Variants in KCNQ3 observed in about 807,000 individuals in gnomAD.
KCNQ3 encodes the protein potassium voltage-gated channel subfamily KQT member 3.
A neutral mutation model predicts 92.5 loss-of-function variants in KCNQ3; 30 were observed. That is an observed-to-expected ratio of 0.32 (90% CI 0.24 to 0.44). The LOEUF is 0.44. KCNQ3 is among the 20% of genes least tolerant of loss of function. The pLI, the probability that KCNQ3 is intolerant of heterozygous loss-of-function variation, is 1.00. For synonymous variants in KCNQ3, 450 were observed against 468.8 expected, an observed-to-expected ratio of 0.96 and a Z score of 0.52; for missense variants, 913 against 1,140.3, an observed-to-expected ratio of 0.80 and a Z score of 2.87.
chr8:132,175,742 A>G lies in KCNQ3; in HGVS notation c.778-134T>C, dbSNP rs1055983467. The G allele has an allele frequency of 5.1e-6, 4 of 782,730 alleles. No homozygotes were observed. The East Asian group carries it at 1.1e-4, about 21-fold the overall frequency. The allele number at this position is 782,730 out of a possible 1,614,324, so 48.5% of individuals were successfully genotyped here. A position where few individuals can be genotyped will look rare whatever the true frequency, so the allele number is the denominator to read the frequency against. On this transcript the variant is annotated intron_variant, in intron 4 of 14. Coordinates refer to ENST00000388996, the MANE Select transcript of KCNQ3 (RefSeq NM_004519.4). ...GTGGTCAAATCACTCACCTTCTCTG[A>G]TCTTCATCTTCCATCACTGTAAAAT...
At chr8:132,344,531 G>C (rs1398146985) in intron 1 of KCNQ3, among the ~76,000 whole-genome samples, 1 of 152,178 alleles carries the variant, frequency 6.6e-6, no homozygotes, top group Admixed American at 6.5e-5. Flanking sequence ...ATGAAGTTGT[G>C]TAATTATGAT....
At chr8:132,467,901 G>A (rs973733327) in intron 1 of KCNQ3, among the ~76,000 whole-genome samples, 10 of 152,174 alleles carry the variant, frequency 6.6e-5, no homozygotes, top group African/African-American at 2.4e-4. Flanking sequence ...TGGCTGAATG[G>A]ATGCCCGCCT....
chr8:132,448,209 G>A (rs1430938879), intron 1 of KCNQ3, among the ~76,000 whole-genome samples: 1 of 152,134 alleles, frequency 6.6e-6, no homozygotes, highest in Non-Finnish European at 1.5e-5. Context: ...TGGGGAATAA[G>A]GGTTCTGCAG....
intron 1 of KCNQ3, among the ~76,000 whole-genome samples, chr8:132,369,610 C>A (rs1330977619): frequency 1.3e-5 from 2 of 151,572 alleles, no homozygotes; most frequent in Non-Finnish European, 2.9e-5. Flanking sequence ...CACAATCACA[C>A]AATGGGGGGT....
At chr8:132,182,467 C>T (rs1225885212) in intron 3 of KCNQ3, among the ~76,000 whole-genome samples, 4 of 152,316 alleles carry the variant, frequency 2.6e-5, no homozygotes, top group South Asian at 4.1e-4. Flanking sequence ...AAGTAAGGAC[C>T]GTGTGATGCT....
chr8:132,181,317 T>C (rs1826765475), intron 3 of KCNQ3, among the ~76,000 whole-genome samples: 1 of 152,102 alleles, frequency 6.6e-6, no homozygotes, highest in Non-Finnish European at 1.5e-5. Flanking sequence ...AAAAAGACCA[T>C]ATGGCCAAGT....
At chr8:132,227,344 G>T (rs913140140) in intron 1 of KCNQ3, among the ~76,000 whole-genome samples, 18 of 152,080 alleles carry the variant, frequency 1.2e-4, no homozygotes, top group Admixed American at 2.6e-4. Context: ...ACAGGCGTGA[G>T]CCACCACACC....
chr8:132,344,727 G>A (rs982339453), intron 1 of KCNQ3, among the ~76,000 whole-genome samples: 29 of 152,282 alleles, frequency 1.9e-4, no homozygotes, highest in Admixed American at 1.8e-3. Context: ...GGTATAGAAA[G>A]CTGGTGGGGA....
rs756638749 is a variant in KCNQ3 at position 132,175,516 on chromosome 8, A to C, written c.870T>G (p.Asp290Glu). Residue 290 changes from aspartate to glutamate, a missense_variant, in exon 5 of 15, where the codon GAT (aspartate) becomes GAG (glutamate). Around this residue, in one of 6 missense-constraint regions of KCNQ3, gnomAD observed 21 missense variants for 16.3 expected, o/e 1.29. Coordinates refer to ENST00000388996, the MANE Select transcript of KCNQ3 (RefSeq NM_004519.4). ...YLVEKDVPEV[D>E]AQGEEMKEEF... ...CCTCTTTCATCTCCTCTCCTTGTGC[A>C]TCCACCTCTGGGACGTCTTTCTCAA... 6.2e-7 allele frequency: 1 copy of C among 1,614,206 alleles called. No homozygotes were observed. Among genetic ancestry groups the C allele is most frequent in the East Asian group, 2.2e-5 (1 of 44,860 alleles).
intron 4 of KCNQ3, among the ~76,000 whole-genome samples, chr8:132,179,303 T>G (rs1353334265): frequency 6.6e-6 from 1 of 151,948 alleles, no homozygotes; most frequent in African/African-American, 2.4e-5. Context: ...GGAAAAGGAA[T>G]GGACTGAGTT....
intron 1 of KCNQ3, among the ~76,000 whole-genome samples, chr8:132,350,088 A>C (rs2130702768): frequency 6.6e-6 from 1 of 152,334 alleles, no homozygotes; most frequent in Non-Finnish European, 1.5e-5. Flanking sequence ...ATGATACTGA[A>C]GTGTAAGGTG....
intron 1 of KCNQ3, among the ~76,000 whole-genome samples, chr8:132,266,136 T>C: frequency 6.6e-6 from 1 of 151,700 alleles, no homozygotes. Flanking sequence ...TGCCTTTCAG[T>C]TAGTAAGACC....
At chr8:132,348,333 T>C (rs1389892310) in intron 1 of KCNQ3, among the ~76,000 whole-genome samples, 1 of 152,190 alleles carries the variant, frequency 6.6e-6, no homozygotes, top group East Asian at 1.9e-4. Flanking sequence ...GACGGTTTGC[T>C]GGACTTGGAT....
intron 1 of KCNQ3, among the ~76,000 whole-genome samples, chr8:132,415,559 G>A (rs1429557641): frequency 6.6e-6 from 1 of 152,216 alleles, no homozygotes; most frequent in Non-Finnish European, 1.5e-5. Context: ...AGTGCTCAGG[G>A]ACCCAGGCTG....
At chr8:132,203,938 G>A (rs73356974) in intron 1 of KCNQ3, among the ~76,000 whole-genome samples, 4,725 of 152,218 alleles carry the variant, frequency 0.031, 290 homozygotes, top group African/African-American at 0.11. Context: ...TTTGGATTTC[G>A]TCAAACATAT....
At chr8:132,326,765 T>C (rs535978823) in intron 1 of KCNQ3, among the ~76,000 whole-genome samples, 1 of 152,204 alleles carries the variant, frequency 6.6e-6, no homozygotes, top group Non-Finnish European at 1.5e-5. Context: ...GCTTCCAGCC[T>C]CTAGAACCAT....
At chr8:132,190,229 G>A (rs996774807) in intron 1 of KCNQ3, among the ~76,000 whole-genome samples, 7 of 152,148 alleles carry the variant, frequency 4.6e-5, no homozygotes, top group African/African-American at 7.2e-5. Context: ...TGTGTATGGT[G>A]GGCATGCCCT....
intron 1 of KCNQ3, among the ~76,000 whole-genome samples, chr8:132,293,999 G>T (rs1197535800): frequency 2.3e-5 from 2 of 87,782 alleles, no homozygotes; most frequent in Non-Finnish European, 2.5e-5. Context: ...GTGTGTGTGT[G>T]GTTTTTTTTT....
chr8:132,379,951 C>G (rs1417997897), intron 1 of KCNQ3, among the ~76,000 whole-genome samples: 1 of 149,460 alleles, frequency 6.7e-6, no homozygotes, highest in Non-Finnish European at 1.5e-5. Context: ...TGAAGGCCAA[C>G]AAATCCTGGG....
Sources: allele counts gnomAD v4.1 joint callset (sites outside exome capture counted in the v4.1 genomes callset), GRCh38; gene constraint gnomAD v4.1.1; regional missense constraint gnomAD v4.1.1; transcripts MANE v1.5; gene names NCBI Gene and HGNC (gene_info 2026-07-23, HGNC 2026-07-21).